LAMA3: variants seen among roughly 807,000 people sequenced by gnomAD.
LAMA3 encodes laminin subunit alpha 3.
Under a neutral mutation model 402.0 loss-of-function variants are expected in LAMA3, and 281 were observed. The ratio of observed to expected loss-of-function variants is 0.70; its 90% CI spans 0.63 to 0.77. The LOEUF is 0.77. Among genes scored for constraint, LAMA3 ranks in the 30% least tolerant of loss-of-function variants. The probability of loss-of-function intolerance (pLI) is 0.00; values close to 1 mark genes in which losing one functional copy is unlikely to be tolerated. For missense variants in LAMA3, 3,840 were observed against 4,215.5 expected, an observed-to-expected ratio of 0.91 and a Z score of 2.47; for synonymous variants, 1,431 against 1,558.4, an observed-to-expected ratio of 0.92 and a Z score of 1.93.
intron 1 of LAMA3, among the ~76,000 whole-genome samples, chr18:23,705,962 C>T (rs2060881592): frequency 6.6e-6 from 1 of 152,086 alleles, no homozygotes. Flanking sequence ...AATAATCATC[C>T]CAAATCTTTT....
At chr18:23,749,325 TTC>T in intron 3 of LAMA3, 101 bp from the exon 4 acceptor site, 1 of 691,708 alleles carries the variant, frequency 1.4e-6, no homozygotes, top group South Asian at 1.9e-5. Context: ...TTTCTGTTTT[TTC>T]TTTCTTTGTG....
At chr18:23,720,985 CCT>C (rs1312850609) in intron 2 of LAMA3, among the ~76,000 whole-genome samples, 2 of 151,528 alleles carry the variant, frequency 1.3e-5, no homozygotes, top group African/African-American at 4.9e-5. Context: ...TGTGAAAGCC[CCT>C]CTCTATAAAA....
chr18:23,692,566 C>T (rs374695020), intron 1 of LAMA3, among the ~76,000 whole-genome samples: 18 of 152,316 alleles, frequency 1.2e-4, no homozygotes, highest in South Asian at 6.2e-4. Context: ...GCCACCGCAG[C>T]CGGCCCGTTT....
intron 36 of LAMA3, among the ~76,000 whole-genome samples, chr18:23,867,264 A>T (rs1216375298): frequency 9.9e-5 from 15 of 151,868 alleles, no homozygotes; most frequent in South Asian, 4.2e-4. Context: ...AGTTTAAAAA[A>T]TTTTTTTTTC....
rs144592074 is a variant in LAMA3 at position 23,937,358 on chromosome 18, T to A, written c.8863-1865T>A. Reference sequence around the variant, plus strand: ...TGCAGCCCGGGCAACAGAGTGAGACTCCTTCTCAAAAGCAAAAAAAAAAAA... The same window carrying A: ...TGCAGCCCGGGCAACAGAGTGAGACACCTTCTCAAAAGCAAAAAAAAAAAA... On this transcript the variant is annotated intron_variant, in intron 67 of 74. Coordinates refer to ENST00000313654, the MANE Select transcript of LAMA3 (RefSeq NM_198129.4). Among the ~76,000 whole-genome samples, 133 of 113,342 alleles carry A rather than the reference T, an allele frequency of 1.2e-3. 4 individuals are homozygous for A. The East Asian group carries it at 0.041, about 35-fold the overall frequency. 74.4% of individuals were successfully genotyped at this position (113,342 alleles called of 152,430 possible).
rs746294088 is a variant in LAMA3 at position 23,873,068 on chromosome 18, A to G, written c.4998+1407A>G. 1.3e-5 allele frequency: 21 copies of G among 1,614,100 alleles called. No individual in the cohort carries two copies. The highest frequency in any genetic ancestry group is 5.3e-5 in the African/African-American group (4 of 74,936). On this transcript the variant is annotated intron_variant, in intron 38 of 74. Coordinates refer to ENST00000313654, the MANE Select transcript of LAMA3 (RefSeq NM_198129.4). ...GGATGCCTCCAGCAGTGAGGCGGTC[A>G]GCCTGCAGCATGGGATGGCTGTGGA... is the stretch of plus-strand genomic sequence containing the variant.
intron 7 of LAMA3, among the ~76,000 whole-genome samples, chr18:23,761,860 G>A (rs2061976463): frequency 1.3e-5 from 2 of 152,052 alleles, no homozygotes; most frequent in Admixed American, 1.3e-4. Context: ...GCTACATACT[G>A]GTCTTTCACA....
chr18:23,875,514 C>A (rs2064680035), intron 38 of LAMA3, among the ~76,000 whole-genome samples: 1 of 152,140 alleles, frequency 6.6e-6, no homozygotes, highest in Non-Finnish European at 1.5e-5. Context: ...ACCAGATGTT[C>A]GTGAACAGTC....
intron 12 of LAMA3, among the ~76,000 whole-genome samples, chr18:23,787,751 G>A (rs1244049693): frequency 2.0e-5 from 3 of 152,104 alleles, no homozygotes; most frequent in Admixed American, 2.0e-4. Context: ...TCAAGGCTAA[G>A]TAAAGACTTT....
At chr18:23,816,774 A>C (rs2063183771) in intron 18 of LAMA3, among the ~76,000 whole-genome samples, 1 of 152,190 alleles carries the variant, frequency 6.6e-6, no homozygotes, top group Admixed American at 6.5e-5. Flanking sequence ...GGAAGCATGA[A>C]GTGGGTTCTC....
Position 23,899,374 on chromosome 18 carries a change from C to A in LAMA3, c.5923C>A (p.Arg1975Ser), listed in dbSNP as rs141645580. The change falls in exon 47 of 75, where the codon CGC becomes AGC. Residue 1975 changes from arginine to serine, a missense_variant. Physicochemically the swap from Arg to Ser is moderately radical, Grantham distance 110 (BLOSUM62 -1). Coordinates refer to ENST00000313654, the MANE Select transcript of LAMA3 (RefSeq NM_198129.4). ...DFSREWAEAQ[R>S]MMRELRNRNF... Reference sequence around the variant, plus strand: ...TTCCAGAGAGTGGGCTGAAGCCCAGCGCATGATGAGGGAACTGCGGAACAG... The same window carrying A: ...TTCCAGAGAGTGGGCTGAAGCCCAGAGCATGATGAGGGAACTGCGGAACAG... 24 of 1,613,770 alleles carry A rather than the reference C, an allele frequency of 1.5e-5. No individual in the cohort carries two copies. Among genetic ancestry groups the A allele is most frequent in the Non-Finnish European group, 2.0e-5 (24 of 1,179,840 alleles).
chr18:23,941,325 C>CT (rs2082506328), intron 68 of LAMA3, among the ~76,000 whole-genome samples: 2 of 27,100 alleles, frequency 7.4e-5, no homozygotes, highest in African/African-American at 1.2e-4. Flanking sequence ...ATCAGCTTGG[C>CT]GCCCCCCCCC....
At position 23,905,753 on chromosome 18, in the gene LAMA3, T is replaced by G. The variant is rs1599056920; in HGVS notation, c.6718+129T>G. On this transcript the variant is annotated intron_variant, in intron 52 of 74. Coordinates refer to ENST00000313654, the MANE Select transcript of LAMA3 (RefSeq NM_198129.4). ...TGTCAATGCAGATGATACCCTTTAT[T>G]TATTTTATTTTATTACTATTATTAT... 8 of 490,384 alleles carry G rather than the reference T, an allele frequency of 1.6e-5. No homozygotes were observed. In the East Asian group the frequency reaches 3.0e-4, roughly 18 times the overall value. The allele number at this position is 490,384 out of a possible 1,614,324, so 30.4% of individuals were successfully genotyped here. A position where few individuals can be genotyped will look rare whatever the true frequency, so the allele number is the denominator to read the frequency against.
rs370610843 is a variant in LAMA3 at position 23,777,409 on chromosome 18, A to C, written c.1406-148A>C. ...TTCAGTTACTAAACACATTTGAGATATAGCAATATCGCCTTTCTTTAAATT... is the reference window on the plus strand; with the variant it reads ...TTCAGTTACTAAACACATTTGAGATCTAGCAATATCGCCTTTCTTTAAATT... On this transcript the variant is annotated intron_variant, in intron 10 of 74. Coordinates refer to ENST00000313654, the MANE Select transcript of LAMA3 (RefSeq NM_198129.4). The C allele has an allele frequency of 1.2e-5, 8 of 651,196 alleles. No homozygotes were observed. The South Asian group carries it at 1.5e-4, about 12-fold the overall frequency. 40.3% of individuals were successfully genotyped at this position (651,196 alleles called of 1,614,324 possible). A position where few individuals can be genotyped will look rare whatever the true frequency, so the allele number is the denominator to read the frequency against.
intron 32 of LAMA3, among the ~76,000 whole-genome samples, chr18:23,854,788 C>T (rs1173678902): frequency 6.6e-6 from 1 of 151,640 alleles, no homozygotes; most frequent in African/African-American, 2.4e-5. Context: ...TCGAGACCAT[C>T]CTGGCTAACA....
rs769711853 is a variant in LAMA3 at position 23,904,049 on chromosome 18, C to T, written c.6435C>T (p.His2145=). Residue 2145 remains histidine (H), a synonymous_variant, in exon 50 of 75, where the codon CAC becomes CAT. Coordinates refer to ENST00000313654, the MANE Select transcript of LAMA3 (RefSeq NM_198129.4). ...KTSLVEEAEK[H]ARSLQELAKQ... ...CCCTTGTGGAGGAGGCAGAAAAGCA[C>T]GCGCGGTCCTTACAAGAGCTGGCAA... The T allele has an allele frequency of 1.7e-5, 28 of 1,613,998 alleles. No homozygotes were observed. The East Asian group carries it at 2.0e-4, about 12-fold the overall frequency.
In LAMA3 at chr18:23,855,734, T is replaced by C. The variant is rs540323553; in HGVS notation, c.4137-2110T>C. Among the ~76,000 whole-genome samples, 6 of 152,278 alleles carry C rather than the reference T, an allele frequency of 3.9e-5. No homozygotes were observed. The East Asian group carries it at 1.2e-3, about 29-fold the overall frequency. On this transcript the variant is annotated intron_variant, in intron 32 of 74. Coordinates refer to ENST00000313654, the MANE Select transcript of LAMA3 (RefSeq NM_198129.4). ...TCCTCTCCCAGAGTTTACAATCCACTGCACTAGAGCCATCCACTTCAAGCA... is the reference window on the plus strand; with the variant it reads ...TCCTCTCCCAGAGTTTACAATCCACCGCACTAGAGCCATCCACTTCAAGCA...
At chr18:23,692,710 A>G (rs532873873) in intron 1 of LAMA3, among the ~76,000 whole-genome samples, 88 of 152,128 alleles carry the variant, frequency 5.8e-4, no homozygotes, top group African/African-American at 2.1e-3. Flanking sequence ...TGCCTTATAT[A>G]TTTTTTGGCT....
At chr18:23,858,114 A>T in intron 33 of LAMA3, 126 bp downstream of exon 33, 1 of 1,101,462 alleles carries the variant, frequency 9.1e-7, no homozygotes, top group East Asian at 2.5e-5. Context: ...TAGTGTATGT[A>T]GCATTTTATA....
Sources: allele counts gnomAD v4.1 joint callset (sites outside exome capture counted in the v4.1 genomes callset), GRCh38; gene constraint gnomAD v4.1.1; transcripts MANE v1.5; gene names NCBI Gene and HGNC (gene_info 2026-07-23, HGNC 2026-07-21).